The following CFH variants were observed in gnomAD, a reference collection of about 807,000 sequenced individuals.
The protein encoded by CFH is complement factor H, also known as H factor 1 (complement).
In CFH, 53 loss-of-function variants were observed where a neutral mutation model predicts 147.3. The ratio of observed to expected loss-of-function variants is 0.36; its 90% CI spans 0.29 to 0.45. The LOEUF (loss-of-function observed/expected upper bound fraction) is 0.45. CFH is among the 20% of genes least tolerant of loss of function. The pLI is 1.00. For missense variants in CFH, 1,380 were observed against 1,498.0 expected (o/e 0.92, Z 1.30); for synonymous variants, 536 against 489.4 (o/e 1.10, Z -1.26).
At chr1:196,725,991 T>C (rs930741483) in intron 12 of CFH, among the ~76,000 whole-genome samples, 2 of 152,198 alleles carry the variant, frequency 1.3e-5, no homozygotes, top group Admixed American at 6.6e-5. Flanking sequence ...TTGCTTGAAA[T>C]GTCAACATCC....
chr1:196,679,233 T>A (rs560953171), intron 5 of CFH: 1 of 166,290 alleles, frequency 6.0e-6, no homozygotes, highest in South Asian at 1.5e-4. Context: ...GTTAAATCAA[T>A]GTCTTTGACA....
chr1:196,681,205 A>G (rs1159721184), intron 6 of CFH, among the ~76,000 whole-genome samples: 1 of 151,892 alleles, frequency 6.6e-6, no homozygotes, highest in Non-Finnish European at 1.5e-5. Context: ...TGTATTGAAG[A>G]TAAACATTGC....
intron 11 of CFH, among the ~76,000 whole-genome samples, chr1:196,717,901 G>C (rs559551740): frequency 6.6e-6 from 1 of 152,204 alleles, no homozygotes; most frequent in East Asian, 1.9e-4. Context: ...CAGGAGATGG[G>C]AAGGAAAATG....
chr1:196,740,581 T>C, intron 17 of CFH, 38 bp from the exon 18 acceptor site: 5 of 1,595,060 alleles, frequency 3.1e-6, no homozygotes, highest in Non-Finnish European at 4.3e-6. Context: ...ATTAAATTTA[T>C]GAGTTAGTGA....
intron 9 of CFH, among the ~76,000 whole-genome samples, chr1:196,713,136 C>T (rs1426363434): frequency 2.6e-5 from 4 of 152,104 alleles, no homozygotes; most frequent in Non-Finnish European, 4.4e-5. Flanking sequence ...GTAACTTCCA[C>T]TCTTTCAAGT....
intron 21 of CFH, 64 bp downstream of exon 21, chr1:196,746,063 T>C (rs1466020548): frequency 3.7e-6 from 6 of 1,610,182 alleles, no homozygotes; most frequent in Non-Finnish European, 5.1e-6. Flanking sequence ...TTTCACTGTT[T>C]GTAACAAAAT....
intron 1 of CFH, among the ~76,000 whole-genome samples, chr1:196,661,024 G>A (rs1250654277): frequency 6.6e-6 from 1 of 152,120 alleles, no homozygotes; most frequent in African/African-American, 2.4e-5. Flanking sequence ...AATTTTGAAA[G>A]TGAAAAACAA....
chr1:196,689,453 G>T lies in CFH; in HGVS notation c.998G>T (p.Gly333Val). Reference protein sequence around the residue: ...KPCDYPDIKHGGLYHENMRRP... With the variant: ...KPCDYPDIKHVGLYHENMRRP... ...TGTGATTATCCAGACATTAAACATG[G>T]AGGTCTATATCATGAGAATATGCGT... Residue 333 changes from glycine (G) to valine (V), a missense_variant, in exon 8 of 22, where the codon GGA becomes GTA. By Grantham distance (109) the Gly-to-Val change is moderately radical (BLOSUM62 -3). Around this residue, in one of 4 missense-constraint regions of CFH, gnomAD observed 167 missense variants for 228.0 expected, o/e 0.73. Transcript: ENST00000367429. 6.2e-7 allele frequency: 1 copy of T among 1,612,888 alleles called. No individual in the cohort carries two copies.
Position 196,714,635 on chromosome 1 carries a change from G to GTGTATATA in CFH, c.1519+719_1519+720insGTATATAT, listed in dbSNP as rs1392624278. ...TGTGTGTGTGTGTATACGTATATATGTATATATATATATATATATATATAT... is the reference window on the plus strand; with the variant it reads ...TGTGTGTGTGTGTATACGTATATATGTGTATATATATATATATATATATATATATATAT... On this transcript the variant is annotated intron_variant, in intron 10 of 21. Transcript: ENST00000367429. Among the ~76,000 whole-genome samples, 39 of 24,922 alleles carry GTGTATATA rather than the reference G, an allele frequency of 1.6e-3. 3 individuals are homozygous for GTGTATATA. Among genetic ancestry groups the GTGTATATA allele is most frequent in the East Asian group, 7.1e-3 (9 of 1,260 alleles). The allele number at this position is 24,922 out of a possible 152,430, so 16.3% of individuals were successfully genotyped here.
At chr1:196,677,049 G>A (rs187576395) in intron 4 of CFH, 15 of 163,462 alleles carry the variant, frequency 9.2e-5, no homozygotes, top group Admixed American at 1.8e-4. Flanking sequence ...AAACACTTAG[G>A]TCGAAGAGGA....
chr1:196,673,170 A>G lies in CFH; in HGVS notation c.244+7A>G. 6.2e-7 allele frequency: 1 copy of G among 1,610,132 alleles called. No individual in the cohort carries two copies. ...CCATTAAGGAAATGTCAGAGTAAGT[A>G]CTTAATACATTTGTGAAATTTATGA... On this transcript the variant is annotated splice_region_variant and intron_variant, in intron 2 of 21. Transcript: ENST00000367429.
chr1:196,658,595 T>C (rs1045418684), intron 1 of CFH, among the ~76,000 whole-genome samples: 12 of 151,920 alleles, frequency 7.9e-5, no homozygotes, highest in South Asian at 2.1e-4. Context: ...GTATTTGTAG[T>C]AGAGACGGAG....
chr1:196,688,014 A>G (rs1462241528), intron 7 of CFH, among the ~76,000 whole-genome samples: 1 of 151,982 alleles, frequency 6.6e-6, no homozygotes, highest in African/African-American at 2.4e-5. Flanking sequence ...CTAATCAAAT[A>G]CAAAAGAAAA....
chr1:196,717,741 C>T (rs968174161), intron 11 of CFH, among the ~76,000 whole-genome samples: 1 of 152,044 alleles, frequency 6.6e-6, no homozygotes, highest in Non-Finnish European at 1.5e-5. Context: ...AGGGGAGCTG[C>T]AAAGGCTGAA....
chr1:196,737,847 G>C (rs34344258), intron 17 of CFH, among the ~76,000 whole-genome samples, 187 bp downstream of exon 17: 58 of 152,164 alleles, frequency 3.8e-4, no homozygotes, highest in Admixed American at 7.2e-4. Flanking sequence ...GTTCATGATA[G>C]AGTCACTTTG....
chr1:196,722,436 G>A (rs1669022204), intron 11 of CFH, among the ~76,000 whole-genome samples: 1 of 152,090 alleles, frequency 6.6e-6, no homozygotes, highest in African/African-American at 2.4e-5. Flanking sequence ...GGCTTGTACA[G>A]TTTCTGCTGA....
chr1:196,727,848 G>A (rs1052962908), intron 14 of CFH, among the ~76,000 whole-genome samples: 3 of 152,108 alleles, frequency 2.0e-5, no homozygotes, highest in Non-Finnish European at 4.4e-5. Context: ...TCTCATTGAC[G>A]GACTTCACAC....
In CFH at chr1:196,734,919, C is replaced by T. The variant is rs553041979; in HGVS notation, c.2414-1905C>T. On this transcript the variant is annotated intron_variant, in intron 15 of 21. Transcript: ENST00000367429. ...TGTGTTTCTTTGTCCGTTTTCTCTT[C>T]TTCACTGATTTTACTGTTTTCTTCC... is the stretch of plus-strand genomic sequence containing the variant. 3.7e-4 allele frequency among the ~76,000 whole-genome samples: 57 copies of T among 152,068 alleles called. No homozygotes were observed. The South Asian group carries it at 5.6e-3, about 15-fold the overall frequency.
chr1:196,676,008 A>T lies in CFH; in HGVS notation c.370A>T (p.Ile124Phe). The change falls in exon 4 of 22, where the codon ATT (isoleucine) becomes TTT (phenylalanine). Residue 124 changes from isoleucine to phenylalanine, a missense_variant. By Grantham distance (21) the Ile-to-Phe change is conservative. Transcript: ENST00000367429. Reference sequence around the variant, plus strand: ...TTTCAGGTATCAATTGCTAGGTGAGATTAATTACCGTGAATGTGACACAGA... The same window carrying T: ...TTTCAGGTATCAATTGCTAGGTGAGTTTAATTACCGTGAATGTGACACAGA... ...CNEGYQLLGE[I>F]NYRECDTDGW... The T allele has an allele frequency of 6.2e-7, 1 of 1,610,762 alleles. No individual in the cohort carries two copies. The highest frequency in any genetic ancestry group is 8.5e-7 in the Non-Finnish European group (1 of 1,177,496).
Sources: allele counts gnomAD v4.1 joint callset (sites outside exome capture counted in the v4.1 genomes callset), GRCh38; gene constraint gnomAD v4.1.1; regional missense constraint gnomAD v4.1.1; transcripts MANE v1.5; gene names NCBI Gene and HGNC (gene_info 2026-07-23, HGNC 2026-07-21).